Variants in DGAT2 observed in about 807,000 individuals in gnomAD.
DGAT2 encodes the protein acyl-CoA retinol O-fatty-acyltransferase.
DGAT2 carries 33 observed loss-of-function variants against 48.4 expected under a neutral mutation model. The observed-to-expected ratio is 0.68, with a 90% confidence interval of 0.52 to 0.91. The LOEUF (loss-of-function observed/expected upper bound fraction) is 0.91. DGAT2 is among the 40% of genes least tolerant of loss of function. The probability of loss-of-function intolerance (pLI) is 0.00; values close to 1 mark genes in which losing one functional copy is unlikely to be tolerated. For synonymous variants in DGAT2, 191 were observed against 194.1 expected (o/e 0.98, Z 0.13); for missense variants, 446 against 493.7 (o/e 0.90, Z 0.92).
chr11:75,787,557 G>T (rs1274333455), intron 2 of DGAT2, among the ~76,000 whole-genome samples: 2 of 152,240 alleles, frequency 1.3e-5, no homozygotes, highest in African/African-American at 4.8e-5. Context: ...CCTTCCATGT[G>T]TGGGGCAAAG....
rs1944971566 is a variant in DGAT2 at position 75,790,247 on chromosome 11, G to A, written c.310G>A (p.Val104Met). 1 of 1,614,210 alleles carries A rather than the reference G, an allele frequency of 6.2e-7. No homozygotes were observed. The highest frequency in any genetic ancestry group is 8.5e-7 in the Non-Finnish European group (1 of 1,180,038). ...IFCTDCWLIA[V>M]LYFTWLVFDW... is the part of the protein sequence containing the mutation. ...CTGCACTGATTGCTGGCTCATCGCT[G>A]TGCTCTACTTCACTTGGCTGGTGTT... The change falls in exon 3 of 8, where the codon GTG becomes ATG. Residue 104 changes from valine to methionine, a missense_variant. Coordinates refer to ENST00000228027, the MANE Select transcript of DGAT2 (RefSeq NM_032564.5).
intron 1 of DGAT2, among the ~76,000 whole-genome samples, chr11:75,772,549 T>C (rs1590862185): frequency 6.6e-6 from 1 of 152,286 alleles, no homozygotes; most frequent in East Asian, 1.9e-4. Context: ...AGGTCTTCCC[T>C]GGCCACCCTA....
At chr11:75,790,635 C>G in intron 3 of DGAT2, 26 bp from the exon 4 acceptor site, 2 of 1,612,072 alleles carry the variant, frequency 1.2e-6, no homozygotes, top group South Asian at 2.2e-5. Context: ...CCACCCCCAC[C>G]AACTCTGTAT....
intron 2 of DGAT2, among the ~76,000 whole-genome samples, chr11:75,789,242 T>G (rs1302961321): frequency 2.6e-5 from 4 of 152,118 alleles, no homozygotes; most frequent in Non-Finnish European, 4.4e-5. Context: ...TTCAAACTCC[T>G]GGCTTAAGGA....
intron 1 of DGAT2, chr11:75,776,913 A>C (rs764566856): frequency 6.6e-6 from 1 of 152,248 alleles, no homozygotes; most frequent in African/African-American, 2.4e-5. Flanking sequence ...GCTAGGGGTC[A>C]ATATGTACTG....
At chr11:75,779,901 C>T (rs900860196) in intron 1 of DGAT2, among the ~76,000 whole-genome samples, 8 of 152,220 alleles carry the variant, frequency 5.3e-5, no homozygotes, top group Non-Finnish European at 8.8e-5. Context: ...CTTGGGCATC[C>T]AGGCCTATAG....
intron 1 of DGAT2, chr11:75,784,384 G>A (rs556972516): frequency 3.0e-5 from 13 of 433,636 alleles, no homozygotes; most frequent in South Asian, 2.4e-4. Flanking sequence ...CCCCGAGTGC[G>A]ATACCATTCC....
intron 4 of DGAT2, among the ~76,000 whole-genome samples, 167 bp downstream of exon 4, chr11:75,790,898 C>T (rs1565318238): frequency 6.6e-6 from 1 of 152,206 alleles, no homozygotes; most frequent in Non-Finnish European, 1.5e-5. Context: ...TCTGAGTATC[C>T]ATCTTCTTTG....
At chr11:75,785,614 AG>A (rs548906737) in intron 2 of DGAT2, among the ~76,000 whole-genome samples, 170 of 152,354 alleles carry the variant, frequency 1.1e-3, no homozygotes, top group Non-Finnish European at 1.7e-3. Context: ...CATAGCAGGT[AG>A]CTTCCTCAGC....
intron 7 of DGAT2, among the ~76,000 whole-genome samples, 186 bp from the exon 8 acceptor site, chr11:75,800,168 A>G (rs1945095222): frequency 1.3e-5 from 2 of 152,146 alleles, no homozygotes; most frequent in African/African-American, 2.4e-5. Context: ...GGGTCCCTTC[A>G]CATGCCCCTG....
At chr11:75,798,134 G>A in intron 6 of DGAT2, 93 bp from the exon 7 acceptor site, 2 of 1,304,180 alleles carry the variant, frequency 1.5e-6, no homozygotes, top group Middle Eastern at 1.9e-4. Flanking sequence ...GCTGGGGGAG[G>A]GGGATGCTTG....
At position 75,768,882 on chromosome 11, in the gene DGAT2, C is replaced by T. The variant is rs1222731566; in HGVS notation, c.-110C>T. On this transcript the variant is annotated 5_prime_UTR_variant, in exon 1 of 8. Transcript: ENST00000228027. ...CTAGCCGCCCAGCCTCGACGCCGTC[C>T]CGGGACCCCTGTGCTCTGCGCGAAG... The T allele has an allele frequency of 1.5e-6, 2 of 1,291,400 alleles. No individual in the cohort carries two copies. The highest frequency in any genetic ancestry group is 3.2e-5 in the East Asian group (1 of 31,712). 80.0% of individuals were successfully genotyped at this position (1,291,400 alleles called of 1,614,324 possible).
chr11:75,784,652 C>T lies in DGAT2; in HGVS notation c.156C>T (p.Asp52=). Residue 52 remains aspartate, a synonymous_variant, in exon 2 of 8, where the codon GAC becomes GAT. Transcript: ENST00000228027. ...CCAGCATCCTCTCCGCCCTCCAGGA[C>T]CTCTTCTCTGTCACCTGGCTCAATA... The part of the protein sequence containing the change: ...TGSSILSALQ[D]LFSVTWLNRS... 2 of 1,614,092 alleles carry T rather than the reference C, an allele frequency of 1.2e-6. No homozygotes were observed. The highest frequency in any genetic ancestry group is 1.7e-6 in the Non-Finnish European group (2 of 1,179,970).
intron 1 of DGAT2, among the ~76,000 whole-genome samples, chr11:75,781,999 C>T (rs1474100625): frequency 2.0e-5 from 3 of 152,128 alleles, no homozygotes; most frequent in Admixed American, 6.5e-5. Flanking sequence ...ACTCCTCCTC[C>T]AAGCTGCATG....
intron 7 of DGAT2, among the ~76,000 whole-genome samples, chr11:75,799,683 G>A (rs1283961761): frequency 2.0e-5 from 3 of 151,390 alleles, no homozygotes; most frequent in East Asian, 1.9e-4. Flanking sequence ...GCGCAATCTC[G>A]GCTCACTGTA....
intron 7 of DGAT2, among the ~76,000 whole-genome samples, chr11:75,798,929 A>G (rs984654702): frequency 6.6e-6 from 1 of 152,252 alleles, no homozygotes; most frequent in Admixed American, 6.5e-5. Context: ...AAACATTAAT[A>G]TGACTGCAGC....
intron 1 of DGAT2, among the ~76,000 whole-genome samples, chr11:75,780,293 G>A (rs1303575277): frequency 6.6e-6 from 1 of 152,196 alleles, no homozygotes; most frequent in Non-Finnish European, 1.5e-5. Flanking sequence ...TGACAGCCAG[G>A]TGGCAAGGAC....
intron 1 of DGAT2, among the ~76,000 whole-genome samples, chr11:75,775,515 A>G (rs1050363242): frequency 6.6e-6 from 1 of 152,210 alleles, no homozygotes; most frequent in Admixed American, 6.5e-5. Flanking sequence ...TTTTGGGACC[A>G]GTTCTATAGC....
At chr11:75,794,913 CCCTCT>C (rs1945031568) in intron 4 of DGAT2, 1 of 68,132 alleles carries the variant, frequency 1.5e-5, no homozygotes, top group Non-Finnish European at 2.5e-5. Flanking sequence ...CTCTTCTTTT[CCCTCT>C]CCCCTCCCCT....
Sources: allele counts gnomAD v4.1 joint callset (sites outside exome capture counted in the v4.1 genomes callset), GRCh38; gene constraint gnomAD v4.1.1; transcripts MANE v1.5; gene names NCBI Gene and HGNC (gene_info 2026-07-23, HGNC 2026-07-21).